The following DLGAP1 variants were observed in gnomAD, a reference collection of about 807,000 sequenced individuals.
DLGAP1 encodes the protein disks large-associated protein 1.
In DLGAP1, 11 loss-of-function variants were observed where a neutral mutation model predicts 90.8. The ratio of observed to expected loss-of-function variants is 0.12; its 90% CI spans 0.08 to 0.20. The LOEUF (loss-of-function observed/expected upper bound fraction) is 0.20. DLGAP1 is among the 10% of genes least tolerant of loss of function. DLGAP1 has a pLI of 1.00. For missense variants in DLGAP1, 1,050 were observed against 1,333.8 expected (o/e 0.79, Z 3.31); for synonymous variants, 558 against 540.7 (o/e 1.03, Z -0.44).
intron 7 of DLGAP1, among the ~76,000 whole-genome samples, chr18:3,681,826 T>C (rs1046531850): frequency 1.3e-5 from 2 of 152,148 alleles, no homozygotes; most frequent in Non-Finnish European, 2.9e-5. Context: ...GTGTGAGATC[T>C]GGTCATTTAA....
At chr18:3,903,494 G>A (rs1322026066) in intron 3 of DLGAP1, among the ~76,000 whole-genome samples, 1 of 152,214 alleles carries the variant, frequency 6.6e-6, no homozygotes, top group Non-Finnish European at 1.5e-5. Context: ...GACTAGCACA[G>A]TATTCATGCT....
chr18:3,719,556 C>CAAAAAAAA (rs60129859), intron 7 of DLGAP1, among the ~76,000 whole-genome samples: 32 of 58,088 alleles, frequency 5.5e-4, no homozygotes, highest in Non-Finnish European at 9.0e-4. Context: ...GACTCTGTCT[C>CAAAAAAAA]AAAAAAAAAA....
At chr18:4,314,061 A>G (rs563956749) in intron 1 of DLGAP1, among the ~76,000 whole-genome samples, 1 of 152,338 alleles carries the variant, frequency 6.6e-6, no homozygotes, top group East Asian at 1.9e-4. Flanking sequence ...GAGGAGAGGC[A>G]TCTTTGTGAG....
At chr18:3,928,086 G>A (rs1430418073) in intron 3 of DLGAP1, among the ~76,000 whole-genome samples, 2 of 152,054 alleles carry the variant, frequency 1.3e-5, no homozygotes, top group Admixed American at 6.6e-5. Context: ...ACATTCCTCC[G>A]CTCGCCATCC....
chr18:4,310,802 G>T (rs2080380132), intron 1 of DLGAP1, among the ~76,000 whole-genome samples: 1 of 152,094 alleles, frequency 6.6e-6, no homozygotes. Flanking sequence ...TATGCCAAAA[G>T]GTTCATTCAT....
chr18:4,078,834 T>C (rs984711557), intron 2 of DLGAP1, among the ~76,000 whole-genome samples: 1 of 152,146 alleles, frequency 6.6e-6, no homozygotes, highest in African/African-American at 2.4e-5. Flanking sequence ...AAGTGAAACA[T>C]GGTTTGCCAA....
chr18:3,663,270 T>TAAA (rs377367189), intron 7 of DLGAP1, among the ~76,000 whole-genome samples: 1,818 of 143,728 alleles, frequency 0.013, 40 homozygotes, highest in African/African-American at 0.044. Flanking sequence ...AGACTCCCCC[T>TAAA]AAAAAAAAAA....
intron 2 of DLGAP1, among the ~76,000 whole-genome samples, chr18:4,059,397 A>C (rs1043829874): frequency 4.6e-5 from 7 of 152,206 alleles, no homozygotes; most frequent in Non-Finnish European, 1.0e-4. Flanking sequence ...ACAAAAAAAA[A>C]CTAGCTTTCT....
intron 5 of DLGAP1, among the ~76,000 whole-genome samples, chr18:3,772,319 T>TTTCTC (rs2064636971): frequency 9.1e-6 from 1 of 109,868 alleles, no homozygotes; most frequent in Non-Finnish European, 2.0e-5. Flanking sequence ...CCTTCCTTCC[T>TTTCTC]TCCTTTCTCT....
At chr18:3,877,832 T>C (rs942475840) in intron 4 of DLGAP1, among the ~76,000 whole-genome samples, 1 of 152,242 alleles carries the variant, frequency 6.6e-6, no homozygotes, top group African/African-American at 2.4e-5. Context: ...CTTATTAACA[T>C]GTAGCAACCT....
chr18:4,085,721 T>C (rs1009380018), intron 2 of DLGAP1, among the ~76,000 whole-genome samples: 2 of 152,174 alleles, frequency 1.3e-5, no homozygotes, highest in Non-Finnish European at 2.9e-5. Flanking sequence ...GGAAACAAAA[T>C]GTATTTTTCC....
At chr18:4,028,373 G>C (rs1010641305) in intron 2 of DLGAP1, among the ~76,000 whole-genome samples, 41 of 152,168 alleles carry the variant, frequency 2.7e-4, no homozygotes, top group Admixed American at 2.7e-3. Flanking sequence ...TGCTCTGAGG[G>C]GGCATCAGCC....
intron 1 of DLGAP1, among the ~76,000 whole-genome samples, chr18:4,384,604 C>A (rs1367265580): frequency 2.0e-5 from 3 of 152,058 alleles, no homozygotes; most frequent in Non-Finnish European, 4.4e-5. Flanking sequence ...ATCAAATACT[C>A]TCTCTATATT....
At chr18:4,120,213 C>T (rs149654734) in intron 2 of DLGAP1, among the ~76,000 whole-genome samples, 29 of 152,274 alleles carry the variant, frequency 1.9e-4, no homozygotes, top group South Asian at 8.3e-4. Context: ...GTTGTTCAGA[C>T]ATTTATGTTA....
Position 3,944,040 on chromosome 18 carries a change from G to A in DLGAP1, c.-73+61076C>T, listed in dbSNP as rs144890441. ...TGTTGTTTAAGCCACTCAGTATGTG[G>A]TACTTTTTAATGGCAGCTCTAAGAA... is the stretch of plus-strand genomic sequence containing the variant. On this transcript the variant is annotated intron_variant, in intron 3 of 12. Coordinates refer to ENST00000315677, the MANE Select transcript of DLGAP1 (RefSeq NM_004746.4). Among the ~76,000 whole-genome samples the A allele has an allele frequency of 6.2e-3, 950 of 152,276 alleles. 6 individuals carry two copies. Among genetic ancestry groups the A allele is most frequent in the Non-Finnish European group, 9.6e-3 (655 of 68,034 alleles).
At chr18:3,654,546 A>G (rs1230153553) in intron 7 of DLGAP1, among the ~76,000 whole-genome samples, 1 of 152,226 alleles carries the variant, frequency 6.6e-6, no homozygotes, top group Non-Finnish European at 1.5e-5. Flanking sequence ...ATTCCTTGAT[A>G]AAACATCAAA....
At chr18:3,845,375 A>C in intron 4 of DLGAP1, 3 of 1,501,746 alleles carry the variant, frequency 2.0e-6, no homozygotes, top group Middle Eastern at 1.8e-4. Flanking sequence ...GTGAGGCAGT[A>C]AACACAGGAC....
chr18:4,024,781 CTT>C (rs756434889), intron 2 of DLGAP1, among the ~76,000 whole-genome samples: 1 of 152,170 alleles, frequency 6.6e-6, no homozygotes, highest in Non-Finnish European at 1.5e-5. Flanking sequence ...ACTGGCCAGA[CTT>C]AGAGGTGGGA....
At chr18:4,358,098 G>A (rs886494808) in intron 1 of DLGAP1, among the ~76,000 whole-genome samples, 2 of 152,198 alleles carry the variant, frequency 1.3e-5, no homozygotes, top group African/African-American at 4.8e-5. Flanking sequence ...ACTGGAAGAA[G>A]TCCCTGTTCT....
Sources: gnomAD v4.1 joint callset for allele counts (sites outside exome capture counted in the v4.1 genomes callset) on GRCh38, gnomAD v4.1.1 for gene constraint, MANE v1.5 for transcripts, NCBI Gene and HGNC (gene_info 2026-07-23, HGNC 2026-07-21) for gene names.